ITGA7: variants seen among roughly 807,000 people sequenced by gnomAD.
The protein encoded by ITGA7 is integrin alpha-7.
Under a neutral mutation model 131.6 loss-of-function variants are expected in ITGA7, and 84 were observed. That is an observed-to-expected ratio of 0.64 (90% CI 0.54 to 0.77). The LOEUF (loss-of-function observed/expected upper bound fraction) is 0.77, where lower values mean the gene tolerates loss of function less well. Among genes scored for constraint, ITGA7 ranks in the 30% least tolerant of loss-of-function variants. The pLI is 0.00. For missense variants in ITGA7, 1,399 were observed against 1,482.9 expected, an observed-to-expected ratio of 0.94 and a Z score of 0.93; for synonymous variants, 548 against 600.7, an observed-to-expected ratio of 0.91 and a Z score of 1.28.
chr12:55,684,718 A>G lies in ITGA7; in HGVS notation c.*340T>C, dbSNP rs991368794. ...CCTCCCCGACCCTCTAGGTTAAGGC[A>G]CTTCCGGGGAGGCAGGTCCTTGGGG... On this transcript the variant is annotated 3_prime_UTR_variant, in exon 25 of 25. Transcript: ENST00000257879. The G allele has an allele frequency of 3.3e-6, 1 of 305,444 alleles. No homozygotes were observed. The highest frequency in any genetic ancestry group is 6.1e-6 in the Non-Finnish European group (1 of 165,056). 18.9% of individuals were successfully genotyped at this position (305,444 alleles called of 1,614,324 possible).
At chr12:55,700,179 C>A (rs1280743777) in intron 4 of ITGA7, 190 bp from the exon 5 acceptor site, 15 of 1,502,812 alleles carry the variant, frequency 1.0e-5, no homozygotes, top group Middle Eastern at 1.9e-4. Flanking sequence ...GAAACAGAGA[C>A]AGAAGGATGG....
chr12:55,716,176 A>G (rs560737080), upstream of ITGA7: 10 of 1,611,812 alleles, frequency 6.2e-6, no homozygotes, highest in African/African-American at 1.3e-4. Flanking sequence ...GCCAAGCAGA[A>G]TGAACGCAAG....
intron 22 of ITGA7, 91 bp from the exon 23 acceptor site, chr12:55,688,391 C>T: frequency 2.1e-6 from 2 of 961,578 alleles, no homozygotes; most frequent in Admixed American, 3.9e-5. Context: ...GTAATGGTGC[C>T]CAACACAGAG....
Position 55,694,141 on chromosome 12 carries a change from G to C in ITGA7, c.2433-18C>G. ...TGGCCATTCTGGCGTGGAGAGGTCA[G>C]AACAGGGGTGAGAAGGTCTGGGGCC... On this transcript the variant is annotated intron_variant, in intron 18 of 24. Coordinates refer to ENST00000257879, the MANE Select transcript of ITGA7 (RefSeq NM_002206.3). The surrounding 1 kb of genome is among the most constrained non-coding windows in gnomAD (Gnocchi z 5.3). 1 of 1,613,220 alleles carries C rather than the reference G, an allele frequency of 6.2e-7. No individual in the cohort carries two copies.
chr12:55,695,547 C>T lies in ITGA7; in HGVS notation c.1978G>A (p.Asp660Asn), dbSNP rs371372940. 7 of 1,610,406 alleles carry T rather than the reference C, an allele frequency of 4.3e-6. No individual in the cohort carries two copies. Among genetic ancestry groups the T allele is most frequent in the Middle Eastern group, 1.7e-4 (1 of 6,056 alleles). The change falls in exon 14 of 25, where the codon GAC (aspartate) becomes AAC (asparagine). Residue 660 changes from aspartate to asparagine, a missense_variant. Transcript: ENST00000257879. Reference sequence around the variant, plus strand: ...ATGGGCAGAGGTTGGAATTCCGTGTCGCTGACCCGGGTACAGAAGCGGGCG... The same window carrying T: ...ATGGGCAGAGGTTGGAATTCCGTGTTGCTGACCCGGGTACAGAAGCGGGCG... ...VRARFCTRVS[D>N]TEFQPLPMDV... is the part of the protein sequence containing the mutation.
chr12:55,697,217 C>T lies in ITGA7; in HGVS notation c.1566G>A (p.Val522=), dbSNP rs1278836496. Residue 522 remains valine, a splice_region_variant and synonymous_variant, in exon 11 of 25, where the codon GTG becomes GTA. Coordinates refer to ENST00000257879, the MANE Select transcript of ITGA7 (RefSeq NM_002206.3). The part of the protein sequence containing the change: ...IAVPSSYSPT[V]ALDYVLDADT... The stretch of plus-strand genomic sequence containing the variant: ...CCACAGAGGGGGGACCGCACTCACC[C>T]ACAGTAGGGCTATAGCTGCTGGGGA... 2 of 1,596,646 alleles carry T rather than the reference C, an allele frequency of 1.3e-6. No homozygotes were observed. Among genetic ancestry groups the T allele is most frequent in the African/African-American group, 1.3e-5 (1 of 74,770 alleles).
Position 55,685,182 on chromosome 12 carries a change from C to A in ITGA7, c.3290G>T (p.Gly1097Val), listed in dbSNP as rs760543610. ...DRQQFKEEKT[G>V]TILRNNWGSP... Reference sequence around the variant, plus strand: ...GCCCCAGTTGTTCCTCAGGATGGTGCCCGTCTTCTCCTCCTTGAACTGCTG... The same window carrying A: ...GCCCCAGTTGTTCCTCAGGATGGTGACCGTCTTCTCCTCCTTGAACTGCTG... The change falls in exon 25 of 25, where the codon GGC (glycine) becomes GTC (valine). Residue 1097 changes from glycine to valine, a missense_variant. Gly to Val is a moderately radical substitution (Grantham distance 109, BLOSUM62 -3). Transcript: ENST00000257879. 5.0e-6 allele frequency: 8 copies of A among 1,614,058 alleles called. No individual in the cohort carries two copies. The highest frequency in any genetic ancestry group is 5.9e-6 in the Non-Finnish European group (7 of 1,180,038).
intron 7 of ITGA7, 41 bp from the exon 8 acceptor site, chr12:55,698,067 C>T (rs1436084621): frequency 3.2e-6 from 5 of 1,583,038 alleles, no homozygotes; most frequent in Non-Finnish European, 4.3e-6. Flanking sequence ...TGGCTGGGGG[C>T]CTTGCAGACA....
In ITGA7 at chr12:55,692,988, G is replaced by T; in HGVS notation, c.2713-13C>A. On this transcript the variant is annotated splice_polypyrimidine_tract_variant and intron_variant, in intron 20 of 24. Transcript: ENST00000257879. The stretch of plus-strand genomic sequence containing the variant: ...TACTGTCCACATCCTGGACACGGAA[G>T]GGGGGTCTTAGTGAGTGTCCCTCCA... 3 of 1,613,858 alleles carry T rather than the reference G, an allele frequency of 1.9e-6. No homozygotes were observed. Among genetic ancestry groups the T allele is most frequent in the Non-Finnish European group, 2.5e-6 (3 of 1,180,014 alleles).
intron 12 of ITGA7, 96 bp downstream of exon 12, chr12:55,696,803 G>T: frequency 1.4e-6 from 2 of 1,395,614 alleles, no homozygotes; most frequent in Non-Finnish European, 2.0e-6. Flanking sequence ...TTAGAAGGAG[G>T]CACGAGTGTG....
In ITGA7 at chr12:55,694,802, T is replaced by C; in HGVS notation, c.2172A>G (p.Ser724=). 1 of 1,613,344 alleles carries C rather than the reference T, an allele frequency of 6.2e-7. No individual in the cohort carries two copies. The highest frequency in any genetic ancestry group is 8.5e-7 in the Non-Finnish European group (1 of 1,179,828). The change falls in exon 15 of 25, where the codon TCA becomes TCG. Residue 724 remains serine, a synonymous_variant. Coordinates refer to ENST00000257879, the MANE Select transcript of ITGA7 (RefSeq NM_002206.3). This position sits in a 1 kb window ranked among gnomAD's most constrained non-coding sequence, Gnocchi z 5.3. ...LVMLPDSLHY[S]GVRALDPAEK... is the part of the protein sequence containing the mutation. ...CCGCAGGGTCCAGGGCCCGGACCCC[T>C]GAGTAGTGCAGTGAGTCAGGAAGCA...
rs767943997 is a variant in ITGA7, at chr12:55,692,927, G to A, written c.2761C>T (p.Gln921Ter). The A allele has an allele frequency of 1.2e-6, 2 of 1,614,056 alleles. No individual in the cohort carries two copies. Among genetic ancestry groups the A allele is most frequent in the Non-Finnish European group, 1.7e-6 (2 of 1,180,004 alleles). Residue 921 changes from glutamine to a stop codon, truncating the protein, a stop_gained, in exon 21 of 25, where the codon CAG becomes TAG. Coordinates refer to ENST00000257879, the MANE Select transcript of ITGA7 (RefSeq NM_002206.3). LOFTEE classifies it high-confidence loss of function. Reference sequence around the variant, plus strand: ...TCCTGCCGCTCACCAGGCTCCTGCTGCTCAGGTGGCTCCAGCTCCCGCCGC... The same window carrying A: ...TCCTGCCGCTCACCAGGCTCCTGCTACTCAGGTGGCTCCAGCTCCCGCCGC... Reference protein sequence around the residue: ...RRRRELEPPEQQEPGERQEPS... With the variant: ...RRRRELEPPE
intron 4 of ITGA7, chr12:55,700,287 G>C: frequency 6.2e-7 from 1 of 1,608,172 alleles, no homozygotes; most frequent in South Asian, 1.1e-5. Flanking sequence ...CAGGGACCGG[G>C]ATGAGGCGGG....
rs754762899 is a variant in ITGA7 at position 55,699,951 on chromosome 12, C to G, written c.709G>C (p.Asp237His). The stretch of plus-strand genomic sequence containing the variant: ...TCCAAAGTTTTATACACCAGCTGGT[C>G]GGGGTCTGAGCTATCAATGTTGGTC... ...FVTNIDSSDP[D>H]QLVYKTLDPA... is the part of the protein sequence containing the mutation. Residue 237 changes from aspartate (D) to histidine (H), a missense_variant, in exon 5 of 25, where the codon GAC becomes CAC. Asp to His is a moderately conservative substitution (Grantham distance 81). Transcript: ENST00000257879. 1.2e-6 allele frequency: 2 copies of G among 1,614,026 alleles called. No individual in the cohort carries two copies. Among genetic ancestry groups the G allele is most frequent in the Non-Finnish European group, 8.5e-7 (1 of 1,180,018 alleles).
upstream of ITGA7, among the ~76,000 whole-genome samples, chr12:55,710,872 G>C (rs949853681): frequency 6.6e-6 from 1 of 152,146 alleles, no homozygotes; most frequent in African/African-American, 2.4e-5. Context: ...AAGGATGGAG[G>C]GGGGTGGGGA....
At chr12:55,702,211 G>A (rs1481761232) in intron 3 of ITGA7, among the ~76,000 whole-genome samples, 2 of 143,488 alleles carry the variant, frequency 1.4e-5, no homozygotes, top group African/African-American at 5.2e-5. Context: ...ACGGAGTCTC[G>A]CTCTGTCACC....
chr12:55,697,322 C>G, intron 10 of ITGA7, 45 bp from the exon 11 acceptor site: 1 of 1,581,374 alleles, frequency 6.3e-7, no homozygotes, highest in Non-Finnish European at 8.6e-7. Context: ...GGCTGATGGG[C>G]CAAGGCCCCT....
At chr12:55,707,407 G>A (rs1875431352) in intron 1 of ITGA7, 70 bp downstream of exon 1, 2 of 1,211,934 alleles carry the variant, frequency 1.7e-6, no homozygotes, top group African/African-American at 1.5e-5. Context: ...AAATGAGGAG[G>A]CCCACAGAGT....
intron 21 of ITGA7, among the ~76,000 whole-genome samples, chr12:55,690,460 A>C (rs7487774): frequency 0.47 from 65,605 of 140,892 alleles, 16,705 homozygotes; most frequent in East Asian, 0.93. Flanking sequence ...ATCATTAAAA[A>C]GTCAGGAAAC....
Sources: allele counts gnomAD v4.1 joint callset (sites outside exome capture counted in the v4.1 genomes callset), GRCh38; gene constraint gnomAD v4.1.1; non-coding constraint Gnocchi (gnomAD v3.1); transcripts MANE v1.5; gene names NCBI Gene and HGNC (gene_info 2026-07-23, HGNC 2026-07-21).